The following ME3 variants were observed in gnomAD, a reference collection of about 807,000 sequenced individuals.
ME3 encodes the protein malic enzyme 3, also known as NADP-dependent malic enzyme, mitochondrial.
In ME3, 48 loss-of-function variants were observed where a neutral mutation model predicts 68.9. That is an observed-to-expected ratio of 0.70 (90% CI 0.55 to 0.89). ME3 has a LOEUF of 0.89. ME3 is among the 40% of genes least tolerant of loss of function. The pLI is 0.00. For missense variants in ME3, 675 were observed against 797.4 expected (o/e 0.85, Z 1.85); for synonymous variants, 320 against 318.8 (o/e 1.00, Z -0.04).
At chr11:86,568,997 G>C (rs1957634185) in intron 2 of ME3, among the ~76,000 whole-genome samples, 1 of 152,232 alleles carries the variant, frequency 6.6e-6, no homozygotes, top group South Asian at 2.1e-4. Flanking sequence ...CTTATTAAAT[G>C]AAGTGCTGCC....
intron 2 of ME3, among the ~76,000 whole-genome samples, chr11:86,568,389 C>T (rs779650502): frequency 2.6e-5 from 4 of 152,192 alleles, no homozygotes; most frequent in Admixed American, 1.3e-4. Flanking sequence ...CCTTCCCTAG[C>T]ACTAAAGACC....
chr11:86,597,909 G>A (rs1959807034), intron 2 of ME3, among the ~76,000 whole-genome samples: 9 of 151,984 alleles, frequency 5.9e-5, no homozygotes, highest in Admixed American at 5.9e-4. Flanking sequence ...TAAGTCTATA[G>A]GCAGATTTAA....
At chr11:86,584,917 G>A (rs546558924) in intron 2 of ME3, among the ~76,000 whole-genome samples, 8 of 152,330 alleles carry the variant, frequency 5.3e-5, no homozygotes, top group African/African-American at 1.9e-4. Flanking sequence ...ACTTAAAAAT[G>A]TGTTAAGAGG....
intron 4 of ME3, among the ~76,000 whole-genome samples, chr11:86,546,550 C>CA (rs1256223513): frequency 2.0e-5 from 3 of 152,006 alleles, no homozygotes; most frequent in Non-Finnish European, 4.4e-5. Flanking sequence ...ATGCCACCAA[C>CA]AAAAATATGA....
At chr11:86,481,270 C>G (rs887923462) in intron 7 of ME3, among the ~76,000 whole-genome samples, 1 of 130,996 alleles carries the variant, frequency 7.6e-6, no homozygotes, top group Non-Finnish European at 1.5e-5. Context: ...CTGGGCTGGT[C>G]TTGAACTCCT....
chr11:86,655,426 C>A (rs1446059466), intron 2 of ME3, among the ~76,000 whole-genome samples: 1 of 152,046 alleles, frequency 6.6e-6, no homozygotes, highest in East Asian at 1.9e-4. Context: ...CAGAACAGAG[C>A]CCTCAGAAAT....
intron 2 of ME3, among the ~76,000 whole-genome samples, chr11:86,574,403 G>GA (rs1957972118): frequency 7.4e-6 from 1 of 134,844 alleles, no homozygotes; most frequent in Admixed American, 7.0e-5. Flanking sequence ...TTGCCGGGGG[G>GA]GGGGGGGGTG....
intron 2 of ME3, among the ~76,000 whole-genome samples, chr11:86,660,308 T>C (rs1282320980): frequency 6.6e-6 from 1 of 152,202 alleles, no homozygotes; most frequent in East Asian, 1.9e-4. Flanking sequence ...AGATGTAAAC[T>C]CTATCACATC....
At chr11:86,443,814 G>C (rs1949138254) in intron 13 of ME3, among the ~76,000 whole-genome samples, 1 of 152,276 alleles carries the variant, frequency 6.6e-6, no homozygotes, top group East Asian at 1.9e-4. Context: ...TACATTCACT[G>C]TGCTCTACTA....
rs200439466 is a variant in ME3, at chr11:86,573,058, G to C, written c.184-13235C>G. ...ATGTTTAGCTTTTTCTCATATGTTT[G>C]TTGGCCGCATAAATGTCTTTTTTGA... is the stretch of plus-strand genomic sequence containing the variant. On this transcript the variant is annotated intron_variant, in intron 2 of 14. Transcript: ENST00000543262. Among the ~76,000 whole-genome samples, 7 of 127,622 alleles carry C rather than the reference G, an allele frequency of 5.5e-5. No individual in the cohort carries two copies. In the East Asian group the frequency reaches 1.3e-3, roughly 25 times the overall value. The allele number at this position is 127,622 out of a possible 152,430, so 83.7% of individuals were successfully genotyped here.
intron 2 of ME3, among the ~76,000 whole-genome samples, chr11:86,560,748 G>GTGTATATATATATA (rs1243025217): frequency 3.2e-4 from 20 of 62,530 alleles, no homozygotes; most frequent in African/African-American, 1.1e-3. Flanking sequence ...GTGTGTGTGT[G>GTGTATATATATATA]TATATATATA....
chr11:86,556,492 AAG>A, intron 4 of ME3, 59 bp downstream of exon 4: 2 of 1,551,140 alleles, frequency 1.3e-6, no homozygotes, highest in Non-Finnish European at 1.7e-6. Flanking sequence ...GAAGGGCGGA[AAG>A]AATTTATTCC....
At chr11:86,483,580 G>T (rs1056869036) in intron 7 of ME3, among the ~76,000 whole-genome samples, 29 of 151,854 alleles carry the variant, frequency 1.9e-4, no homozygotes, top group Non-Finnish European at 1.5e-5. Flanking sequence ...CAACAAAATG[G>T]AGAGACTAAA....
intron 4 of ME3, among the ~76,000 whole-genome samples, chr11:86,529,749 A>G (rs1235546456): frequency 6.6e-6 from 1 of 152,236 alleles, no homozygotes; most frequent in Non-Finnish European, 1.5e-5. Flanking sequence ...AGAACCAAAG[A>G]CAAAAACCAC....
At chr11:86,618,719 C>CT (rs1173272488) in intron 2 of ME3, among the ~76,000 whole-genome samples, 13,792 of 137,290 alleles carry the variant, frequency 0.1, 699 homozygotes, top group Middle Eastern at 0.14. Flanking sequence ...GAGATCTGGT[C>CT]TTTTTTTTTT....
At chr11:86,562,854 A>G (rs547306022) in intron 2 of ME3, among the ~76,000 whole-genome samples, 9 of 151,774 alleles carry the variant, frequency 5.9e-5, no homozygotes, top group East Asian at 3.9e-4. Flanking sequence ...TGCAGTGTCT[A>G]TTGTTCCCAT....
intron 4 of ME3, among the ~76,000 whole-genome samples, chr11:86,555,261 C>T (rs374107834): frequency 3.9e-5 from 6 of 152,250 alleles, no homozygotes; most frequent in African/African-American, 1.4e-4. Context: ...CCCTAGGGAG[C>T]TGCTAAATGC....
chr11:86,633,339 T>C (rs1434956843), intron 2 of ME3, among the ~76,000 whole-genome samples: 1 of 152,228 alleles, frequency 6.6e-6, no homozygotes, highest in Non-Finnish European at 1.5e-5. Flanking sequence ...GGGGTGCTAT[T>C]ATTAACCCTA....
chr11:86,583,745 T>C (rs1418860850), intron 2 of ME3, among the ~76,000 whole-genome samples: 2 of 152,182 alleles, frequency 1.3e-5, no homozygotes, highest in Non-Finnish European at 2.9e-5. Flanking sequence ...TTAATTGTCT[T>C]CAACAATGGT....
Sources: allele counts gnomAD v4.1 joint callset (sites outside exome capture counted in the v4.1 genomes callset), GRCh38; gene constraint gnomAD v4.1.1; transcripts MANE v1.5; gene names NCBI Gene and HGNC (gene_info 2026-07-23, HGNC 2026-07-21).